Variants in SYCP1 observed in about 807,000 individuals in gnomAD.
The protein encoded by SYCP1 is cancer/testis antigen 8.
In SYCP1, 64 loss-of-function variants were observed where a neutral mutation model predicts 153.1. That is an observed-to-expected ratio of 0.42 (90% CI 0.34 to 0.51). SYCP1 has a LOEUF of 0.51. Ranked by LOEUF, SYCP1 falls within the 20% of genes least tolerant of loss-of-function variation. The pLI, the probability that SYCP1 is intolerant of heterozygous loss-of-function variation, is 0.06. For missense variants in SYCP1, 997 were observed against 1,049.0 expected (o/e 0.95, Z 0.68); for synonymous variants, 384 against 341.8 (o/e 1.12, Z -1.36).
intron 21 of SYCP1, among the ~76,000 whole-genome samples, chr1:114,926,032 G>A (rs1325641159): frequency 6.6e-6 from 1 of 151,970 alleles, no homozygotes. Context: ...CCAGCACTTT[G>A]GGAGGCTGGG....
At chr1:114,955,469 T>C (rs1450767128) in intron 27 of SYCP1, among the ~76,000 whole-genome samples, 1 of 152,228 alleles carries the variant, frequency 6.6e-6, no homozygotes, top group Non-Finnish European at 1.5e-5. Flanking sequence ...TGTATAAAAT[T>C]GGTGTTAATT....
intron 5 of SYCP1, among the ~76,000 whole-genome samples, chr1:114,857,966 A>C (rs1030108455): frequency 4.6e-5 from 7 of 152,038 alleles, no homozygotes; most frequent in African/African-American, 1.7e-4. Flanking sequence ...GTATCACAGA[A>C]TTTAAAATAT....
chr1:114,912,345 A>T (rs997355888), intron 18 of SYCP1, among the ~76,000 whole-genome samples: 1 of 151,962 alleles, frequency 6.6e-6, no homozygotes, highest in Admixed American at 6.6e-5. Flanking sequence ...TTAGTGAAAC[A>T]CTTTATCTCC....
At chr1:114,863,929 A>G (rs1664547068) in intron 8 of SYCP1, among the ~76,000 whole-genome samples, 1 of 147,250 alleles carries the variant, frequency 6.8e-6, no homozygotes, top group African/African-American at 2.5e-5. Context: ...CAATGCGAAC[A>G]CATGGACACA....
intron 27 of SYCP1, among the ~76,000 whole-genome samples, chr1:114,966,145 T>C (rs1297841043): frequency 3.9e-5 from 6 of 152,176 alleles, no homozygotes; most frequent in African/African-American, 1.2e-4. Context: ...GTGTTTATAG[T>C]ATTCTCTGAT....
intron 15 of SYCP1, among the ~76,000 whole-genome samples, chr1:114,888,376 TTTA>T (rs1387246289): frequency 6.6e-6 from 1 of 152,000 alleles, no homozygotes; most frequent in African/African-American, 2.4e-5. Context: ...TTATGTAAGC[TTTA>T]TTATTAGATT....
At chr1:114,878,009 T>C in intron 11 of SYCP1, 85 bp from the exon 12 acceptor site, 1 of 790,922 alleles carries the variant, frequency 1.3e-6, no homozygotes, top group Non-Finnish European at 2.0e-6. Context: ...TGTAGACAAG[T>C]ACATAAAATA....
At chr1:114,949,480 G>A (rs572100200) in intron 27 of SYCP1, among the ~76,000 whole-genome samples, 1 of 152,164 alleles carries the variant, frequency 6.6e-6, no homozygotes. Context: ...TCTTTTGATA[G>A]TTAAGAATTC....
intron 16 of SYCP1, among the ~76,000 whole-genome samples, chr1:114,907,582 CTTT>C (rs542034470): frequency 4.5e-5 from 6 of 134,280 alleles, no homozygotes; most frequent in South Asian, 2.4e-4. Context: ...AATGTTGAAA[CTTT>C]TTTTTTTTTT....
At chr1:114,923,711 A>C (rs1416131239) in intron 21 of SYCP1, 181 bp downstream of exon 21, 2 of 457,134 alleles carry the variant, frequency 4.4e-6, no homozygotes, top group Non-Finnish European at 6.8e-6. Flanking sequence ...ATTGATATCT[A>C]TATCTAGAAG....
intron 27 of SYCP1, among the ~76,000 whole-genome samples, chr1:114,966,918 C>T (rs1672164350): frequency 6.6e-6 from 1 of 152,132 alleles, no homozygotes; most frequent in Non-Finnish European, 1.5e-5. Context: ...CTTCTGACCT[C>T]AGGTGATTGG....
intron 5 of SYCP1, 133 bp from the exon 6 acceptor site, chr1:114,858,414 A>G: frequency 3.3e-6 from 2 of 600,954 alleles, no homozygotes; most frequent in Non-Finnish European, 5.4e-6. Context: ...TGTGGCTTTC[A>G]GTATGCTATT....
chr1:114,883,978 A>C (rs764974445), intron 12 of SYCP1, among the ~76,000 whole-genome samples: 1 of 152,162 alleles, frequency 6.6e-6, no homozygotes, highest in Non-Finnish European at 1.5e-5. Flanking sequence ...GGCATGAACC[A>C]CCGGGCCTGG....
At chr1:114,866,709 AT>A (rs1404255877) in intron 8 of SYCP1, among the ~76,000 whole-genome samples, 1 of 151,682 alleles carries the variant, frequency 6.6e-6, no homozygotes, top group African/African-American at 2.4e-5. Context: ...GAAGTTTTTA[AT>A]TTTAATGAAG....
intron 27 of SYCP1, among the ~76,000 whole-genome samples, chr1:114,949,076 C>T (rs1485924355): frequency 1.3e-5 from 2 of 152,154 alleles, no homozygotes; most frequent in Admixed American, 6.5e-5. Flanking sequence ...AAGGGATCTC[C>T]GTGCTAGCTC....
intron 27 of SYCP1, among the ~76,000 whole-genome samples, chr1:114,964,525 T>A (rs2101893715): frequency 6.6e-6 from 1 of 152,334 alleles, no homozygotes; most frequent in Admixed American, 6.5e-5. Flanking sequence ...AGTTTAAGTC[T>A]TTAATCCATC....
chr1:114,912,314 G>A (rs1668233040), intron 18 of SYCP1, among the ~76,000 whole-genome samples: 1 of 151,754 alleles, frequency 6.6e-6, no homozygotes. Context: ...TAGTATATTT[G>A]CTTTTCAACT....
At chr1:114,924,840 T>G (rs1232856391) in intron 21 of SYCP1, among the ~76,000 whole-genome samples, 1 of 152,038 alleles carries the variant, frequency 6.6e-6, no homozygotes, top group Non-Finnish European at 1.5e-5. Context: ...ATTTAAGAGT[T>G]TGAGGTCATT....
chr1:114,931,869 G>C (rs1428807211), intron 23 of SYCP1, among the ~76,000 whole-genome samples: 1 of 152,114 alleles, frequency 6.6e-6, no homozygotes, highest in Non-Finnish European at 1.5e-5. Flanking sequence ...GATAGACAAA[G>C]AGATCAGTGG....
Sources: gnomAD v4.1 joint callset for allele counts (sites outside exome capture counted in the v4.1 genomes callset) on GRCh38, gnomAD v4.1.1 for gene constraint, MANE v1.5 for transcripts, NCBI Gene and HGNC (gene_info 2026-07-23, HGNC 2026-07-21) for gene names.